Variants in LPIN1 observed in about 807,000 individuals in gnomAD.
The protein encoded by LPIN1 is phosphatidate phosphatase LPIN1.
Under a neutral mutation model 107.5 loss-of-function variants are expected in LPIN1, and 71 were observed. The observed-to-expected ratio is 0.66, with a 90% CI of 0.55 to 0.80. The LOEUF (loss-of-function observed/expected upper bound fraction) is 0.80. Among genes scored for constraint, LPIN1 ranks in the 30% least tolerant of loss-of-function variants. The pLI is 0.00. For synonymous variants in LPIN1, 445 were observed against 452.6 expected (o/e 0.98, Z 0.21); for missense variants, 1,043 against 1,160.6 (o/e 0.90, Z 1.47).
chr2:11,825,046 T>C lies in LPIN1; in HGVS notation c.*255T>C. ...TGAAAAGCATTCCTCAGTTGTGGCTTAATGCCAGTTACGACGCTGCCTTTC... is the reference window on the plus strand; with the variant it reads ...TGAAAAGCATTCCTCAGTTGTGGCTCAATGCCAGTTACGACGCTGCCTTTC... On this transcript the variant is annotated 3_prime_UTR_variant, in exon 21 of 21. Transcript: ENST00000674199. This position sits in a 1 kb window ranked among gnomAD's most constrained non-coding sequence, Gnocchi z 4.1. The C allele has an allele frequency of 5.7e-6, 3 of 530,950 alleles. No homozygotes were observed. Among genetic ancestry groups the C allele is most frequent in the Non-Finnish European group, 1.0e-5 (3 of 292,940 alleles). The allele number at this position is 530,950 out of a possible 1,614,324, so 32.9% of individuals were successfully genotyped here.
intron 17 of LPIN1, 90 bp from the exon 18 acceptor site, chr2:11,814,998 C>T: frequency 7.9e-7 from 1 of 1,259,436 alleles, no homozygotes; most frequent in Non-Finnish European, 1.2e-6. Context: ...CAGTGCCATT[C>T]TCCACAGAAC....
At chr2:11,766,995 C>G (rs192110255) in intron 2 of LPIN1, among the ~76,000 whole-genome samples, 103 of 151,894 alleles carry the variant, frequency 6.8e-4, no homozygotes, top group African/African-American at 2.4e-3. Flanking sequence ...CAGAGGGGGT[C>G]CGTTCAGTCA....
chr2:11,811,886 G>A (rs982356427), intron 17 of LPIN1, among the ~76,000 whole-genome samples: 1 of 152,170 alleles, frequency 6.6e-6, no homozygotes, highest in Non-Finnish European at 1.5e-5. Flanking sequence ...TCAGGAGGCT[G>A]AGGCAGGAGA....
intron 1 of LPIN1, among the ~76,000 whole-genome samples, chr2:11,737,206 T>A (rs985953537): frequency 5.9e-5 from 9 of 152,326 alleles, no homozygotes; most frequent in African/African-American, 2.2e-4. Flanking sequence ...ACTGGACCCC[T>A]TCCTTACACT....
intron 1 of LPIN1, among the ~76,000 whole-genome samples, chr2:11,754,461 TC>T (rs1476965368): frequency 2.0e-5 from 3 of 152,226 alleles, no homozygotes; most frequent in Non-Finnish European, 4.4e-5. Context: ...GGAGGGTGTT[TC>T]GGCCTTTCTA....
chr2:11,764,094 A>G lies in LPIN1; in HGVS notation c.-9-1439A>G, dbSNP rs1400100191. On this transcript the variant is annotated intron_variant, in intron 1 of 20. Transcript: ENST00000674199. ...TGTGTGTGTGTATATATATATATAT[A>G]TATATATATACACACACACACACAC... The G allele has an allele frequency of 4.7e-5, 6 of 128,094 alleles. 1 individual carries two copies. The highest frequency in any genetic ancestry group is 2.4e-4 in the Admixed American group (3 of 12,748). 7.9% of individuals were successfully genotyped at this position (128,094 alleles called of 1,614,324 possible).
chr2:11,751,222 T>A (rs1667739547), intron 1 of LPIN1, among the ~76,000 whole-genome samples: 1 of 152,160 alleles, frequency 6.6e-6, no homozygotes, highest in Non-Finnish European at 1.5e-5. Context: ...TGATCACTCA[T>A]CTGACCTTCC....
intron 2 of LPIN1, among the ~76,000 whole-genome samples, chr2:11,766,007 C>T (rs1033090557): frequency 9.9e-5 from 15 of 152,228 alleles, no homozygotes; most frequent in African/African-American, 3.6e-4. Flanking sequence ...TGTCTCTGCT[C>T]TCTGGGGCCT....
chr2:11,821,483 C>CT (rs1049718536), intron 20 of LPIN1, among the ~76,000 whole-genome samples: 1 of 152,180 alleles, frequency 6.6e-6, no homozygotes, highest in Non-Finnish European at 1.5e-5. Context: ...TGCCATTGCA[C>CT]TCCAGCCTGG....
intron 13 of LPIN1, among the ~76,000 whole-genome samples, chr2:11,795,080 C>A (rs894399131): frequency 6.6e-6 from 1 of 152,176 alleles, no homozygotes; most frequent in Non-Finnish European, 1.5e-5. Flanking sequence ...GAAAGGCCCC[C>A]AGAATCCAAG....
chr2:11,791,888 T>C (rs746437702), intron 12 of LPIN1, 26 bp from the exon 13 acceptor site: 2 of 1,611,582 alleles, frequency 1.2e-6, no homozygotes, highest in East Asian at 2.2e-5. Context: ...TGTTCCATTA[T>C]TTATGTTACC....
intron 1 of LPIN1, chr2:11,682,148 TCTCTC>T (rs990682202): frequency 2.0e-5 from 3 of 152,348 alleles, no homozygotes; most frequent in African/African-American, 7.2e-5. Flanking sequence ...TTTGGGCCTC[TCTCTC>T]CTCTCAGCGT....
chr2:11,743,715 G>C (rs1666601292), upstream of LPIN1, among the ~76,000 whole-genome samples: 1 of 152,170 alleles, frequency 6.6e-6, no homozygotes, highest in Non-Finnish European at 1.5e-5. This position sits in a 1 kb window ranked among gnomAD's most constrained non-coding sequence, Gnocchi z 4.7. Context: ...TTTCTGCCCG[G>C]GCAGTTACAG....
intron 1 of LPIN1, among the ~76,000 whole-genome samples, chr2:11,699,437 CT>C (rs1186542859): frequency 6.6e-6 from 1 of 152,032 alleles, no homozygotes; most frequent in Non-Finnish European, 1.5e-5. Context: ...TATGGAGTCC[CT>C]GGGGGGGGCG....
intron 1 of LPIN1, among the ~76,000 whole-genome samples, chr2:11,689,271 G>A (rs1662156133): frequency 6.6e-6 from 1 of 152,180 alleles, no homozygotes; most frequent in Non-Finnish European, 1.5e-5. Context: ...AACTGCCCTG[G>A]TCGTTTCAAA....
chr2:11,752,486 C>T (rs1193834354), intron 1 of LPIN1, among the ~76,000 whole-genome samples: 5 of 128,076 alleles, frequency 3.9e-5, no homozygotes, highest in South Asian at 2.4e-4. Context: ...GGCTGGAGTG[C>T]AGTGGCGGGA....
At position 11,798,529 on chromosome 2, in the gene LPIN1, G is replaced by C. The variant is rs753563784; in HGVS notation, c.1886+3042G>C. On this transcript the variant is annotated intron_variant, in intron 14 of 20. Transcript: ENST00000674199. The stretch of plus-strand genomic sequence containing the variant: ...TTGGGGTGTCACGGATTTTCTCACT[G>C]TCCGATACAATCATATTCAAATGGG... Among the ~76,000 whole-genome samples the C allele has an allele frequency of 3.1e-4, 47 of 152,138 alleles. 1 individual carries two copies. The highest frequency in any genetic ancestry group is 8.8e-5 in the Non-Finnish European group (6 of 68,028).
At chr2:11,742,845 C>T (rs967321078), upstream of LPIN1, among the ~76,000 whole-genome samples, 4 of 152,270 alleles carry the variant, frequency 2.6e-5, no homozygotes, top group Admixed American at 2.0e-4. Flanking sequence ...CGAGCTCCCC[C>T]GCCCACCAGC....
At chr2:11,792,487 A>G (rs566454019) in intron 13 of LPIN1, 33 of 188,922 alleles carry the variant, frequency 1.7e-4, no homozygotes, top group African/African-American at 6.6e-4. Context: ...GGCTCAAGCA[A>G]TCCTCCCATC....
Sources: allele counts gnomAD v4.1 joint callset (sites outside exome capture counted in the v4.1 genomes callset), GRCh38; gene constraint gnomAD v4.1.1; non-coding constraint Gnocchi (gnomAD v3.1); transcripts MANE v1.5; gene names NCBI Gene and HGNC (gene_info 2026-07-23, HGNC 2026-07-21).